SERGEF: variants seen among roughly 807,000 people sequenced by gnomAD.
SERGEF encodes the protein secretion-regulating guanine nucleotide exchange factor.
A neutral mutation model predicts 50.0 loss-of-function variants in SERGEF; 51 were observed. That is an observed-to-expected ratio of 1.02 (90% CI 0.81 to 1.29). SERGEF has a LOEUF of 1.29. Among genes scored for constraint, SERGEF ranks in the 50% most tolerant of loss-of-function variants. The pLI is 0.00. For missense variants in SERGEF, 521 were observed against 557.0 expected (o/e 0.94, Z 0.65); for synonymous variants, 205 against 212.4 (o/e 0.97, Z 0.30).
intron 10 of SERGEF, among the ~76,000 whole-genome samples, chr11:17,801,219 A>T (rs1331158670): frequency 1.3e-5 from 2 of 152,070 alleles, no homozygotes; most frequent in Non-Finnish European, 2.9e-5. Context: ...GAAAGAAAAA[A>T]AAATTCAAGG....
intron 9 of SERGEF, among the ~76,000 whole-genome samples, chr11:17,949,052 G>C (rs926844144): frequency 6.6e-6 from 1 of 152,086 alleles, no homozygotes; most frequent in African/African-American, 2.4e-5. Context: ...CCCCCTTCTA[G>C]TCACAATTCA....
chr11:17,893,111 A>G (rs1268341281), intron 9 of SERGEF, among the ~76,000 whole-genome samples: 2 of 152,202 alleles, frequency 1.3e-5, no homozygotes, highest in Non-Finnish European at 2.9e-5. Context: ...AGGCCCAGTG[A>G]CTGATAGTAC....
intron 9 of SERGEF, among the ~76,000 whole-genome samples, chr11:17,907,324 T>C (rs1851866239): frequency 6.6e-6 from 1 of 152,124 alleles, no homozygotes; most frequent in Admixed American, 6.5e-5. Flanking sequence ...AAAATGAGGG[T>C]GATGAACTGG....
chr11:17,935,091 C>T (rs1401512032), intron 9 of SERGEF, among the ~76,000 whole-genome samples: 3 of 152,192 alleles, frequency 2.0e-5, no homozygotes, highest in Non-Finnish European at 4.4e-5. Flanking sequence ...TTTCCTATCC[C>T]TATTCCCAAT....
chr11:17,979,728 G>A lies in SERGEF; in HGVS notation c.844+8869C>T, dbSNP rs1853454568. ...AGCCTTCCTTTACAGTGTAGACCCT[G>A]AAAAAGCACATTGTGTGACTTTAAC... On this transcript the variant is annotated intron_variant, in intron 8 of 10. Transcript: ENST00000265965. Among the ~76,000 whole-genome samples, 4 of 152,132 alleles carry A rather than the reference G, an allele frequency of 2.6e-5. No individual in the cohort carries two copies. The South Asian group carries it at 6.2e-4, about 24-fold the overall frequency.
chr11:17,984,314 C>T (rs1365373363), intron 8 of SERGEF, among the ~76,000 whole-genome samples: 2 of 152,082 alleles, frequency 1.3e-5, no homozygotes, highest in Non-Finnish European at 2.9e-5. Flanking sequence ...CCTCTGGAAG[C>T]GTACAATCAT....
rs528833732 is a variant in SERGEF, at chr11:17,994,544, C to T, written c.622+1252G>A. Among the ~76,000 whole-genome samples the T allele has an allele frequency of 8.6e-5, 13 of 150,294 alleles. No individual in the cohort carries two copies. The South Asian group carries it at 2.1e-3, about 24-fold the overall frequency. Reference sequence around the variant, plus strand: ...AGGGAACACAAAGGAAAAGGCATTTCGGGCAGAGGTAACAGTTTTCCCATA... The same window carrying T: ...AGGGAACACAAAGGAAAAGGCATTTTGGGCAGAGGTAACAGTTTTCCCATA... On this transcript the variant is annotated intron_variant, in intron 6 of 10. Transcript: ENST00000265965.
chr11:17,800,143 T>C (rs1029423039), intron 10 of SERGEF, among the ~76,000 whole-genome samples: 1 of 152,192 alleles, frequency 6.6e-6, no homozygotes, highest in Non-Finnish European at 1.5e-5. Context: ...TTAATATATA[T>C]TAATGAATTT....
intron 10 of SERGEF, among the ~76,000 whole-genome samples, chr11:17,804,969 T>C (rs1485955343): frequency 6.6e-6 from 1 of 152,228 alleles, no homozygotes; most frequent in African/African-American, 2.4e-5. Flanking sequence ...ATTTCTCTAT[T>C]ATCCCAATTT....
In SERGEF at chr11:18,008,080, G is replaced by C. The variant is rs1358484156; in HGVS notation, c.61-4C>G. ...GTTGCCCATAGCTATTTGCACCCTA[G>C]GGATGAATAAGCCAAGGATGAAAAA... On this transcript the variant is annotated splice_polypyrimidine_tract_variant and splice_region_variant and intron_variant, in intron 1 of 10. Coordinates refer to ENST00000265965, the MANE Select transcript of SERGEF (RefSeq NM_012139.4). The C allele has an allele frequency of 6.2e-7, 1 of 1,611,430 alleles. No homozygotes were observed. The highest frequency in any genetic ancestry group is 2.2e-5 in the East Asian group (1 of 44,828).
intron 9 of SERGEF, among the ~76,000 whole-genome samples, chr11:17,925,773 G>GT (rs1470436003): frequency 1.3e-5 from 2 of 152,136 alleles, no homozygotes; most frequent in Non-Finnish European, 2.9e-5. Context: ...ATCCCTGGCA[G>GT]TATCTGTCTG....
intron 10 of SERGEF, among the ~76,000 whole-genome samples, chr11:17,818,765 T>C (rs556393632): frequency 6.6e-6 from 1 of 152,340 alleles, no homozygotes; most frequent in East Asian, 1.9e-4. Context: ...CTGCCTAAGG[T>C]GATCTTAAAC....
rs1001354696 is a variant in SERGEF at position 17,991,641 on chromosome 11, G to A, written c.685+1290C>T. 1.3e-5 allele frequency among the ~76,000 whole-genome samples: 2 copies of A among 152,170 alleles called. No homozygotes were observed. Among genetic ancestry groups the A allele is most frequent in the African/African-American group, 4.8e-5 (2 of 41,426 alleles). On this transcript the variant is annotated intron_variant, in intron 7 of 10. Transcript: ENST00000265965. The surrounding 1 kb of genome is among the most constrained non-coding windows in gnomAD (Gnocchi z 4.9). ...ATTAATATATAAATCTACCTAATGT[G>A]AGACACAAGTTAAAAGTAGGTGCTT...
At chr11:17,966,212 C>T (rs1320981791) in intron 8 of SERGEF, among the ~76,000 whole-genome samples, 2 of 150,798 alleles carry the variant, frequency 1.3e-5, no homozygotes, top group African/African-American at 2.4e-5. Context: ...CTCTAATGTA[C>T]GAGACAAAAC....
chr11:17,880,558 T>C (rs1377189149), intron 9 of SERGEF, among the ~76,000 whole-genome samples: 1 of 152,174 alleles, frequency 6.6e-6, no homozygotes, highest in Non-Finnish European at 1.5e-5. Context: ...TGAATAAGAA[T>C]GGAAGGAGAT....
At chr11:17,963,090 G>A (rs1373411742) in intron 8 of SERGEF, among the ~76,000 whole-genome samples, 3 of 149,538 alleles carry the variant, frequency 2.0e-5, no homozygotes, top group Non-Finnish European at 4.4e-5. Context: ...GCTGAGGTGG[G>A]AGAATCACTT....
intron 10 of SERGEF, among the ~76,000 whole-genome samples, chr11:17,872,986 T>A (rs926122300): frequency 6.6e-6 from 1 of 152,128 alleles, no homozygotes; most frequent in Admixed American, 6.5e-5. Flanking sequence ...CAGAAGAAAC[T>A]AGTAACAGGC....
intron 9 of SERGEF, among the ~76,000 whole-genome samples, chr11:17,896,572 GA>G (rs1851627253): frequency 5.3e-5 from 2 of 38,002 alleles, no homozygotes; most frequent in Non-Finnish European, 9.4e-5. Flanking sequence ...AAGGGAAGGG[GA>G]AGGGAAGGGA....
At chr11:18,007,042 G>A (rs541060949) in intron 2 of SERGEF, among the ~76,000 whole-genome samples, 3 of 152,344 alleles carry the variant, frequency 2.0e-5, no homozygotes, top group Admixed American at 1.3e-4. Context: ...GAACGTGCCA[G>A]GTACTGTTTT....
Sources: allele counts gnomAD v4.1 joint callset (sites outside exome capture counted in the v4.1 genomes callset), GRCh38; gene constraint gnomAD v4.1.1; non-coding constraint Gnocchi (gnomAD v3.1); transcripts MANE v1.5; gene names NCBI Gene and HGNC (gene_info 2026-07-23, HGNC 2026-07-21).